The following BORCS5 variants were observed in gnomAD, a reference collection of about 807,000 sequenced individuals.
BORCS5 encodes BLOC-1-related complex subunit 5.
BORCS5 carries 17 observed loss-of-function variants against 22.1 expected under a neutral mutation model. The ratio of observed to expected loss-of-function variants is 0.77; its 90% CI spans 0.53 to 1.15. The LOEUF (loss-of-function observed/expected upper bound fraction) is 1.15. Ranked by LOEUF, BORCS5 falls within the 50% of genes most tolerant of loss-of-function variation. BORCS5 has a pLI of 0.00. For synonymous variants in BORCS5, 117 were observed against 99.8 expected (o/e 1.17, Z -1.03); for missense variants, 247 against 253.2 (o/e 0.98, Z 0.17).
Position 12,414,065 on chromosome 12 carries a change from C to T in BORCS5, c.203-21563C>T, listed in dbSNP as rs1325935930. Among the ~76,000 whole-genome samples the T allele has an allele frequency of 5.1e-5, 4 of 78,778 alleles. 1 individual carries two copies. Among genetic ancestry groups the T allele is most frequent in the Non-Finnish European group, 5.3e-5 (2 of 37,944 alleles). 51.7% of individuals were successfully genotyped at this position (78,778 alleles called of 152,430 possible). ...GCGGCTGGCCAGGCGGGGGGCTGAT[C>T]CCCCCACATCCCTCCCGGACGGGGC... On this transcript the variant is annotated intron_variant, in intron 2 of 3. Transcript: ENST00000314565.
chr12:12,462,822 A>G (rs1943134257), intron 3 of BORCS5, among the ~76,000 whole-genome samples: 3 of 151,904 alleles, frequency 2.0e-5, no homozygotes, highest in Admixed American at 1.3e-4. Context: ...ACGCCCGGCT[A>G]ATTTTTTGTA....
intron 2 of BORCS5, among the ~76,000 whole-genome samples, chr12:12,386,695 C>T (rs1193087160): frequency 6.6e-6 from 1 of 150,438 alleles, no homozygotes; most frequent in Non-Finnish European, 1.5e-5. Flanking sequence ...GTCTCGAACT[C>T]CTGACCTCAA....
intron 3 of BORCS5, among the ~76,000 whole-genome samples, chr12:12,445,907 T>C (rs1048719746): frequency 6.6e-6 from 1 of 151,008 alleles, no homozygotes; most frequent in African/African-American, 2.4e-5. Context: ...GCCTCCCAAA[T>C]GCCAGGATTA....
At chr12:12,389,843 C>T (rs1439457677) in intron 2 of BORCS5, among the ~76,000 whole-genome samples, 1 of 152,018 alleles carries the variant, frequency 6.6e-6, no homozygotes, top group Admixed American at 6.6e-5. Flanking sequence ...AGGGTTTTGC[C>T]ATGTTGGCCA....
intron 2 of BORCS5, among the ~76,000 whole-genome samples, chr12:12,378,937 G>A (rs1863715699): frequency 6.7e-6 from 1 of 150,010 alleles, no homozygotes; most frequent in Admixed American, 6.7e-5. Flanking sequence ...AATTTTTTTT[G>A]TAGAAATAGG....
intron 2 of BORCS5, among the ~76,000 whole-genome samples, chr12:12,381,283 T>TATC (rs1407616543): frequency 5.3e-5 from 8 of 151,424 alleles, no homozygotes; most frequent in Non-Finnish European, 1.2e-4. Flanking sequence ...AAGTTCAGTG[T>TATC]ATCAATATTT....
intron 2 of BORCS5, among the ~76,000 whole-genome samples, chr12:12,374,216 C>T (rs1477862108): frequency 6.6e-6 from 1 of 151,698 alleles, no homozygotes; most frequent in East Asian, 1.9e-4. Context: ...TGGTCTCGAT[C>T]TCCTGACCTC....
chr12:12,390,125 A>T (rs1941135235), intron 2 of BORCS5, among the ~76,000 whole-genome samples: 1 of 152,090 alleles, frequency 6.6e-6, no homozygotes, highest in African/African-American at 2.4e-5. Context: ...ATTCCTTTTT[A>T]GATTCCTTTA....
chr12:12,459,546 A>C (rs544294505), intron 3 of BORCS5, among the ~76,000 whole-genome samples: 2 of 152,032 alleles, frequency 1.3e-5, no homozygotes, highest in African/African-American at 4.8e-5. Context: ...CTGACCTCAG[A>C]TGATCCACCC....
At chr12:12,441,641 G>A (rs951202203) in intron 3 of BORCS5, among the ~76,000 whole-genome samples, 4 of 152,110 alleles carry the variant, frequency 2.6e-5, no homozygotes, top group African/African-American at 9.6e-5. Flanking sequence ...ACCAGCAGCT[G>A]TCTAAATATT....
rs1441786879 is a variant in BORCS5, at chr12:12,368,276, G to GT, written c.202+6931dup. On this transcript the variant is annotated intron_variant, in intron 2 of 3. Coordinates refer to ENST00000314565, the MANE Select transcript of BORCS5 (RefSeq NM_058169.6). ...ATACCTCCCCACCCAGTGGTATTCT[G>GT]TTTTGTTTTTTTTTTTTTAATCTAC... Among the ~76,000 whole-genome samples, 219 of 142,484 alleles carry GT rather than the reference G, an allele frequency of 1.5e-3. 1 individual carries two copies. Among genetic ancestry groups the GT allele is most frequent in the African/African-American group, 5.6e-3 (212 of 38,078 alleles). 93.5% of individuals were successfully genotyped at this position (142,484 alleles called of 152,430 possible). A position where few individuals can be genotyped will look rare whatever the true frequency, so the allele number is the denominator to read the frequency against.
At chr12:12,378,608 T>TGAC (rs1863708529) in intron 2 of BORCS5, among the ~76,000 whole-genome samples, 1 of 142,796 alleles carries the variant, frequency 7.0e-6, no homozygotes, top group Non-Finnish European at 1.6e-5. Context: ...TATCACAGAT[T>TGAC]TAAGGAGACT....
chr12:12,415,577 G>GGGGGAGGGGGAA (rs1465956377), intron 2 of BORCS5, among the ~76,000 whole-genome samples: 2 of 59,738 alleles, frequency 3.3e-5, no homozygotes, highest in Non-Finnish European at 6.9e-5. Flanking sequence ...GGGAGGGGGA[G>GGGGGAGGGGGAA]GGGCGATTTT....
chr12:12,430,093 G>T (rs1281318970), intron 2 of BORCS5, among the ~76,000 whole-genome samples: 2 of 151,390 alleles, frequency 1.3e-5, no homozygotes, highest in African/African-American at 4.9e-5. Flanking sequence ...AGCAAAACGT[G>T]GTCCCTGTCT....
In BORCS5 at chr12:12,417,308, A is replaced by G. The variant is rs75376875; in HGVS notation, c.203-18320A>G. On this transcript the variant is annotated intron_variant, in intron 2 of 3. Coordinates refer to ENST00000314565, the MANE Select transcript of BORCS5 (RefSeq NM_058169.6). ...TGTTGTAGATTTCTAACTTCATTCTATTGTGGTGGAAGAAGATTCTTTGTA... is the reference window on the plus strand; with the variant it reads ...TGTTGTAGATTTCTAACTTCATTCTGTTGTGGTGGAAGAAGATTCTTTGTA... Among the ~76,000 whole-genome samples the G allele has an allele frequency of 7.6e-3, 1,153 of 152,070 alleles. 20 individuals are homozygous for G. Among genetic ancestry groups the G allele is most frequent in the African/African-American group, 0.026 (1,061 of 41,498 alleles).
chr12:12,449,183 A>G (rs576599520), intron 3 of BORCS5, among the ~76,000 whole-genome samples: 3 of 152,072 alleles, frequency 2.0e-5, no homozygotes. Context: ...CCCCACTGCC[A>G]CTCTGGAGGG....
rs1941936234 is a variant in BORCS5 at position 12,415,910 on chromosome 12, C to A, written c.203-19718C>A. On this transcript the variant is annotated intron_variant, in intron 2 of 3. Transcript: ENST00000314565. The stretch of plus-strand genomic sequence containing the variant: ...AGTCTAAAAAGGGTTTATGTTAGTT[C>A]TTTTAAATGGTTGGTGGAACTCACC... 2.0e-5 allele frequency among the ~76,000 whole-genome samples: 3 copies of A among 152,028 alleles called. No homozygotes were observed. The South Asian group carries it at 6.2e-4, about 32-fold the overall frequency.
In BORCS5 at chr12:12,357,604, A is replaced by G. The variant is rs573639974; in HGVS notation, c.58+95A>G. 7.4e-6 allele frequency: 10 copies of G among 1,358,848 alleles called. No homozygotes were observed. In the East Asian group the frequency reaches 2.5e-4, roughly 34 times the overall value. The allele number at this position is 1,358,848 out of a possible 1,614,324, so 84.2% of individuals were successfully genotyped here. A position where few individuals can be genotyped will look rare whatever the true frequency, so the allele number is the denominator to read the frequency against. ...CTAGGGTCAGGGACTGCGGACGGGA[A>G]CGCACAGAAAAAGCCTTCACCGTGC... is the stretch of plus-strand genomic sequence containing the variant. On this transcript the variant is annotated intron_variant, in intron 1 of 3. Coordinates refer to ENST00000314565, the MANE Select transcript of BORCS5 (RefSeq NM_058169.6).
intron 2 of BORCS5, among the ~76,000 whole-genome samples, chr12:12,366,843 G>T (rs921903266): frequency 7.2e-5 from 11 of 152,214 alleles, no homozygotes; most frequent in African/African-American, 1.9e-4. Flanking sequence ...TTACACACAT[G>T]CATGCATGTG....
Sources: allele counts gnomAD v4.1 joint callset (sites outside exome capture counted in the v4.1 genomes callset), GRCh38; gene constraint gnomAD v4.1.1; transcripts MANE v1.5; gene names NCBI Gene and HGNC (gene_info 2026-07-23, HGNC 2026-07-21).